SAMD13: variants seen among roughly 807,000 people sequenced by gnomAD.
SAMD13 encodes sterile alpha motif domain containing 13.
In SAMD13, 9 loss-of-function variants were observed where a neutral mutation model predicts 12.4. The ratio of observed to expected loss-of-function variants is 0.72; its 90% confidence interval spans 0.44 to 1.26. The LOEUF is 1.26. Ranked by LOEUF, SAMD13 falls within the 50% of genes most tolerant of loss-of-function variation. SAMD13 has a pLI of 0.00. For synonymous variants in SAMD13, 46 were observed against 45.4 expected (o/e 1.01, Z -0.05); for missense variants, 84 against 119.6 (o/e 0.70, Z 1.39).
chr1:84,299,654 A>AGT (rs146105763), upstream of SAMD13: 255 of 965,938 alleles, frequency 2.6e-4, 10 homozygotes, highest in Middle Eastern at 2.5e-3. Flanking sequence ...TGTGAGTACT[A>AGT]GTGTATATAT....
chr1:84,343,904 T>C (rs1679478868), intron 3 of SAMD13, among the ~76,000 whole-genome samples: 1 of 152,148 alleles, frequency 6.6e-6, no homozygotes, highest in Admixed American at 6.5e-5. Context: ...GAAGAAGACT[T>C]ATTTGACAAT....
rs928841296 is a variant in SAMD13 at position 84,321,948 on chromosome 1, A to G, written c.54-3689A>G. ...ACGAGCAACCTAGAAGTGATGGTTT[A>G]TGCCCGTGGAGACGTGCCTCTGCAA... On this transcript the variant is annotated intron_variant, in intron 2 of 3. Transcript: ENST00000394834. 5.3e-5 allele frequency among the ~76,000 whole-genome samples: 8 copies of G among 152,330 alleles called. No individual in the cohort carries two copies. In the East Asian group the frequency reaches 1.2e-3, roughly 22 times the overall value.
intron 3 of SAMD13, chr1:84,344,883 A>G (rs1357210888): frequency 2.2e-5 from 10 of 456,604 alleles, no homozygotes; most frequent in Non-Finnish European, 4.4e-5. Flanking sequence ...TGACAAGTCC[A>G]GAAGGAACCG....
chr1:84,311,735 C>T (rs1013629859), intron 2 of SAMD13, among the ~76,000 whole-genome samples: 2 of 152,200 alleles, frequency 1.3e-5, no homozygotes, highest in African/African-American at 4.8e-5. Context: ...TAAAAACTAG[C>T]ATTGCTGAAG....
At chr1:84,316,751 A>T (rs1375360655) in intron 2 of SAMD13, among the ~76,000 whole-genome samples, 1 of 152,084 alleles carries the variant, frequency 6.6e-6, no homozygotes, top group Non-Finnish European at 1.5e-5. Context: ...TTCTATAAAA[A>T]TATCATTAGG....
intron 3 of SAMD13, among the ~76,000 whole-genome samples, chr1:84,329,028 T>C (rs1306212197): frequency 6.6e-6 from 1 of 152,048 alleles, no homozygotes; most frequent in African/African-American, 2.4e-5. Flanking sequence ...CCAAAACTCT[T>C]ATGTTGAAAA....
At chr1:84,344,931 A>G (rs1187591730) in intron 3 of SAMD13, 1 of 456,626 alleles carries the variant, frequency 2.2e-6, no homozygotes, top group African/African-American at 2.0e-5. Flanking sequence ...AGAGACAAAA[A>G]ACATTTGGAG....
At chr1:84,325,401 A>G (rs1174039960) in intron 2 of SAMD13, among the ~76,000 whole-genome samples, 1 of 152,160 alleles carries the variant, frequency 6.6e-6, no homozygotes, top group Non-Finnish European at 1.5e-5. Flanking sequence ...TATGAATATC[A>G]TACTCTGGGC....
At chr1:84,312,887 C>A (rs1015743068) in intron 2 of SAMD13, among the ~76,000 whole-genome samples, 40 of 152,196 alleles carry the variant, frequency 2.6e-4, no homozygotes, top group African/African-American at 9.1e-4. Context: ...AAAATAAATT[C>A]TTGCATCAGG....
intron 2 of SAMD13, among the ~76,000 whole-genome samples, chr1:84,313,743 C>G (rs752192848): frequency 6.6e-6 from 1 of 152,072 alleles, no homozygotes; most frequent in Non-Finnish European, 1.5e-5. Context: ...TTATTAATGC[C>G]ACTTCTTTTC....
rs142567782 is a variant in SAMD13, at chr1:84,346,558, G to T, written c.166-3073G>T. ...GTTTTGTTTTGTTTAGCTGGAATTG[G>T]TCACACTCCAATCACTTCATTTATA... On this transcript the variant is annotated intron_variant, in intron 3 of 3. Coordinates refer to ENST00000394834, the MANE Select transcript of SAMD13 (RefSeq NM_001134663.2). Among the ~76,000 whole-genome samples, 1,172 of 152,228 alleles carry T rather than the reference G, an allele frequency of 7.7e-3. 25 individuals carry two copies. Among genetic ancestry groups the T allele is most frequent in the South Asian group, 0.041 (197 of 4,818 alleles).
At chr1:84,347,013 C>T (rs1049075180) in intron 3 of SAMD13, among the ~76,000 whole-genome samples, 3 of 152,154 alleles carry the variant, frequency 2.0e-5, no homozygotes, top group Non-Finnish European at 1.5e-5. Flanking sequence ...GCACTGTGTG[C>T]GGTGCTTTGC....
intron 3 of SAMD13, among the ~76,000 whole-genome samples, chr1:84,342,209 C>T (rs535923433): frequency 1.3e-5 from 2 of 152,252 alleles, no homozygotes; most frequent in African/African-American, 4.8e-5. Flanking sequence ...GTTGCGTATC[C>T]TGCAAAAAGA....
intron 3 of SAMD13, among the ~76,000 whole-genome samples, chr1:84,329,632 G>A (rs560997377): frequency 2.6e-5 from 4 of 152,262 alleles, no homozygotes; most frequent in African/African-American, 9.6e-5. Context: ...CCCTGTGCAG[G>A]CACCCCACTG....
chr1:84,324,965 C>T (rs969165710), intron 2 of SAMD13, among the ~76,000 whole-genome samples: 15 of 152,016 alleles, frequency 9.9e-5, no homozygotes, highest in African/African-American at 3.4e-4. Flanking sequence ...AGAAGTGGTC[C>T]GGGCTCAAAT....
intron 2 of SAMD13, among the ~76,000 whole-genome samples, chr1:84,312,170 T>C (rs1414245131): frequency 2.0e-5 from 3 of 152,110 alleles, no homozygotes; most frequent in Non-Finnish European, 4.4e-5. Context: ...TATGTAAAGA[T>C]CCAAGCCATT....
chr1:84,321,538 A>G (rs1008361418), intron 2 of SAMD13, among the ~76,000 whole-genome samples: 3 of 152,200 alleles, frequency 2.0e-5, no homozygotes, highest in Non-Finnish European at 4.4e-5. Context: ...AGCAGCCACA[A>G]TGGAACCACC....
chr1:84,310,804 C>A (rs75697488), intron 2 of SAMD13, among the ~76,000 whole-genome samples: 3,286 of 152,094 alleles, frequency 0.022, 107 homozygotes, highest in African/African-American at 0.064. Flanking sequence ...TGATAAGCAA[C>A]AATAAGCTTA....
intron 2 of SAMD13, chr1:84,303,988 G>A (rs1678507036): frequency 6.6e-6 from 1 of 152,100 alleles, no homozygotes; most frequent in African/African-American, 2.4e-5. Flanking sequence ...TGATTACAAG[G>A]AGAAAGTGAG....
Sources: gnomAD v4.1 joint callset for allele counts (sites outside exome capture counted in the v4.1 genomes callset) on GRCh38, gnomAD v4.1.1 for gene constraint, MANE v1.5 for transcripts, NCBI Gene and HGNC (gene_info 2026-07-23, HGNC 2026-07-21) for gene names.